TENM3: variants seen among roughly 807,000 people sequenced by gnomAD.
TENM3 encodes teneurin-3.
TENM3 carries 63 observed loss-of-function variants against 255.1 expected under a neutral mutation model. That is an observed-to-expected ratio of 0.25 (90% CI 0.20 to 0.30). TENM3 has a LOEUF of 0.30. Ranked by LOEUF, TENM3 falls within the 10% of genes least tolerant of loss-of-function variation. The pLI, the probability that TENM3 is intolerant of heterozygous loss-of-function variation, is 1.00. For synonymous variants in TENM3, 1,306 were observed against 1,322.3 expected, an observed-to-expected ratio of 0.99 and a Z score of 0.27; for missense variants, 2,929 against 3,461.1, an observed-to-expected ratio of 0.85 and a Z score of 3.86.
At chr4:182,658,242 A>T (rs1753920220) in intron 6 of TENM3, among the ~76,000 whole-genome samples, 1 of 152,196 alleles carries the variant, frequency 6.6e-6, no homozygotes, top group Non-Finnish European at 1.5e-5. Flanking sequence ...AGCTTCTGTG[A>T]TACCACATTC....
chr4:181,498,582 A>G, the TENM3 span, among the ~76,000 whole-genome samples: 3 of 152,242 alleles, frequency 2.0e-5, no homozygotes, highest in African/African-American at 7.2e-5. Context: ...TAAAGGGCTA[A>G]CATGTGGAGC....
Position 182,754,776 on chromosome 4 carries a change from A to G in TENM3, c.4409A>G (p.Lys1470Arg). ...QSGDGYAKDA[K>R]LSAPSSLAAS... Reference sequence around the variant, plus strand: ...GGAGATGGCTACGCCAAGGATGCCAAACTCAGTGCCCCATCCTCCCTGGCT... The same window carrying G: ...GGAGATGGCTACGCCAAGGATGCCAGACTCAGTGCCCCATCCTCCCTGGCT... The change falls in exon 22 of 28, where the codon AAA (lysine) becomes AGA (arginine). Residue 1470 changes from lysine to arginine, a missense_variant. Physicochemically the swap from Lys to Arg is conservative, Grantham distance 26. Transcript: ENST00000511685. The surrounding 1 kb of genome is among the most constrained non-coding windows in gnomAD (Gnocchi z 5.1). The G allele has an allele frequency of 6.2e-7, 1 of 1,614,064 alleles. No homozygotes were observed. The highest frequency in any genetic ancestry group is 1.1e-5 in the South Asian group (1 of 91,088).
chr4:182,731,959 T>A (rs1484893521), intron 16 of TENM3, among the ~76,000 whole-genome samples: 4 of 151,926 alleles, frequency 2.6e-5, no homozygotes, highest in African/African-American at 9.7e-5. Flanking sequence ...TTTTTTGTAT[T>A]TTTAGTAGAG....
At chr4:181,464,786 A>G in the TENM3 span, among the ~76,000 whole-genome samples, 1 of 152,018 alleles carries the variant, frequency 6.6e-6, no homozygotes, top group African/African-American at 2.4e-5. Flanking sequence ...CCCCGTCTCT[A>G]CAAAAAATAC....
chr4:182,726,955 CTTTAT>C (rs976159751), intron 13 of TENM3, among the ~76,000 whole-genome samples: 36 of 152,146 alleles, frequency 2.4e-4, no homozygotes, highest in African/African-American at 8.2e-4. Flanking sequence ...TAAAAAAAGA[CTTTAT>C]TTTAATTGTA....
intron 3 of TENM3, among the ~76,000 whole-genome samples, chr4:182,479,978 G>A (rs1734039039): frequency 1.3e-5 from 2 of 151,866 alleles, no homozygotes; most frequent in African/African-American, 4.8e-5. Flanking sequence ...AAAGACAAAA[G>A]TAAAGAATAG....
At chr4:182,085,690 G>A in the TENM3 span, among the ~76,000 whole-genome samples, 1 of 152,008 alleles carries the variant, frequency 6.6e-6, no homozygotes, top group Non-Finnish European at 1.5e-5. Flanking sequence ...GCCTAAACTA[G>A]CATGAGCAAT....
chr4:182,177,419 G>A (rs914927830), intron 1 of TENM3, among the ~76,000 whole-genome samples: 1 of 151,908 alleles, frequency 6.6e-6, no homozygotes, highest in East Asian at 1.9e-4. Flanking sequence ...GCATGTCCCC[G>A]GGCCCTGGCT....
At chr4:182,475,463 T>A (rs892523555) in intron 3 of TENM3, among the ~76,000 whole-genome samples, 2 of 152,158 alleles carry the variant, frequency 1.3e-5, no homozygotes, top group East Asian at 3.9e-4. Flanking sequence ...CAGAATGACT[T>A]GATGGAAGTT....
At chr4:182,380,787 A>G (rs1184825736) in intron 3 of TENM3, among the ~76,000 whole-genome samples, 7 of 152,192 alleles carry the variant, frequency 4.6e-5, no homozygotes, top group Non-Finnish European at 1.0e-4. Flanking sequence ...CCATTTCAGC[A>G]AGGGTGTGAT....
intron 19 of TENM3, among the ~76,000 whole-genome samples, chr4:182,749,501 G>A (rs1762228093): frequency 6.6e-6 from 1 of 152,166 alleles, no homozygotes. Context: ...ACAAAAGCGA[G>A]TATAAGGACG....
chr4:181,596,106 A>G, the TENM3 span, among the ~76,000 whole-genome samples: 1 of 152,216 alleles, frequency 6.6e-6, no homozygotes, highest in African/African-American at 2.4e-5. Context: ...AACACGCAGA[A>G]CAGTTCCTGA....
the TENM3 span, among the ~76,000 whole-genome samples, chr4:181,629,873 C>T: frequency 2.6e-4 from 40 of 152,094 alleles, no homozygotes; most frequent in Non-Finnish European, 4.1e-4. Flanking sequence ...GGGAGCATTC[C>T]CTCTTTTTCT....
upstream of TENM3, chr4:182,141,215 G>A (rs1314197389): frequency 6.6e-6 from 1 of 152,286 alleles, no homozygotes; most frequent in African/African-American, 2.4e-5. Flanking sequence ...GCCGGGCAGA[G>A]TTTGCTGAGA....
intron 1 of TENM3, among the ~76,000 whole-genome samples, chr4:182,299,196 A>G (rs1237448441): frequency 6.6e-6 from 1 of 151,940 alleles, no homozygotes; most frequent in Admixed American, 6.6e-5. Context: ...TTCTCCTAGT[A>G]TTATTAACAT....
the TENM3 span, among the ~76,000 whole-genome samples, chr4:181,581,461 C>G: frequency 6.6e-6 from 1 of 152,082 alleles, no homozygotes; most frequent in South Asian, 2.1e-4. Flanking sequence ...CAAAACAAAA[C>G]AAAACAAACA....
chr4:182,633,676 T>C lies in TENM3; in HGVS notation c.988+4787T>C, dbSNP rs966449946. Among the ~76,000 whole-genome samples, 3 of 152,258 alleles carry C rather than the reference T, an allele frequency of 2.0e-5. No individual in the cohort carries two copies. The East Asian group carries it at 5.8e-4, about 29-fold the overall frequency. ...TCTAGAAACTGTATGAATTACCTCATTTAATTTCCACAACAACCTTAGGAG... is the reference window on the plus strand; with the variant it reads ...TCTAGAAACTGTATGAATTACCTCACTTAATTTCCACAACAACCTTAGGAG... On this transcript the variant is annotated intron_variant, in intron 5 of 27. Coordinates refer to ENST00000511685, the MANE Select transcript of TENM3 (RefSeq NM_001080477.4).
the TENM3 span, among the ~76,000 whole-genome samples, chr4:181,982,234 A>G: frequency 1.3e-5 from 2 of 152,216 alleles, no homozygotes; most frequent in South Asian, 2.1e-4. Flanking sequence ...AATGAAATCA[A>G]CTGAGCCAAA....
the TENM3 span, among the ~76,000 whole-genome samples, chr4:181,653,994 A>G: frequency 1.3e-5 from 2 of 151,690 alleles, no homozygotes; most frequent in Non-Finnish European, 2.9e-5. Context: ...GTGCCATCAT[A>G]TTCCCAGCCA....
Sources: allele counts gnomAD v4.1 joint callset (sites outside exome capture counted in the v4.1 genomes callset), GRCh38; gene constraint gnomAD v4.1.1; non-coding constraint Gnocchi (gnomAD v3.1); transcripts MANE v1.5; gene names NCBI Gene and HGNC (gene_info 2026-07-23, HGNC 2026-07-21).